SLC24A2: variants seen among roughly 807,000 people sequenced by gnomAD.
SLC24A2 encodes sodium/potassium/calcium exchanger 2.
A neutral mutation model predicts 62.0 loss-of-function variants in SLC24A2; 36 were observed. The ratio of observed to expected loss-of-function variants is 0.58; its 90% CI spans 0.44 to 0.77. The LOEUF is 0.77. Ranked by LOEUF, SLC24A2 falls within the 30% of genes least tolerant of loss-of-function variation. SLC24A2 has a pLI of 0.00. For synonymous variants in SLC24A2, 358 were observed against 294.0 expected (o/e 1.22, Z -2.23); for missense variants, 846 against 817.9 (o/e 1.03, Z -0.42).
chr9:20,240,374 G>A, the SLC24A2 span, among the ~76,000 whole-genome samples: 1 of 152,078 alleles, frequency 6.6e-6, no homozygotes, highest in Non-Finnish European at 1.5e-5. Flanking sequence ...AAGGCTAAGT[G>A]CTGAGTGTTG....
chr9:19,588,579 T>G (rs1836444973), intron 5 of SLC24A2, among the ~76,000 whole-genome samples: 1 of 149,056 alleles, frequency 6.7e-6, no homozygotes, highest in Non-Finnish European at 1.5e-5. Flanking sequence ...CTAAAACAAG[T>G]AAATTAGAAG....
chr9:19,683,850 G>A (rs182528458), intron 2 of SLC24A2, among the ~76,000 whole-genome samples: 34 of 152,158 alleles, frequency 2.2e-4, no homozygotes, highest in African/African-American at 7.2e-4. Flanking sequence ...CATGGTTACC[G>A]GTCCTGGGCC....
At position 19,788,934 on chromosome 9, in the gene SLC24A2, CG is replaced by C. The variant is rs1823262921; in HGVS notation, c.-204del. ...CACGGCGGGGCCCCCGAGCGCGGCCCGCCGCTCCAGTCCGCCGGCCCTCCGC... is the reference window on the plus strand; with the variant it reads ...CACGGCGGGGCCCCCGAGCGCGGCCCCCGCTCCAGTCCGCCGGCCCTCCGC... On this transcript the variant is annotated 5_prime_UTR_variant, in exon 1 of 11. Transcript: ENST00000341998. 1.0e-6 allele frequency: 1 copy of C among 985,182 alleles called. No individual in the cohort carries two copies. The highest frequency in any genetic ancestry group is 1.1e-4 in the East Asian group (1 of 8,798). 61.0% of individuals were successfully genotyped at this position (985,182 alleles called of 1,614,324 possible).
chr9:19,823,257 G>T, the SLC24A2 span, among the ~76,000 whole-genome samples: 3 of 151,868 alleles, frequency 2.0e-5, no homozygotes, highest in Admixed American at 2.0e-4. Flanking sequence ...ATAGTGCAAA[G>T]AATTTATGAA....
the SLC24A2 span, among the ~76,000 whole-genome samples, chr9:20,158,776 G>A: frequency 3.3e-5 from 5 of 151,282 alleles, no homozygotes; most frequent in Admixed American, 6.6e-5. Context: ...CTCTGAGAAA[G>A]GAAAAACAAA....
At chr9:19,917,383 C>A in the SLC24A2 span, among the ~76,000 whole-genome samples, 1 of 147,068 alleles carries the variant, frequency 6.8e-6, no homozygotes, top group African/African-American at 2.5e-5. Flanking sequence ...TTAGTCTGCA[C>A]TTTTGCCTCC....
At chr9:20,208,341 G>A in the SLC24A2 span, among the ~76,000 whole-genome samples, 2 of 152,174 alleles carry the variant, frequency 1.3e-5, no homozygotes, top group African/African-American at 4.8e-5. Context: ...AGAGGGGCTC[G>A]CATAGCACGG....
chr9:19,642,969 C>T lies in SLC24A2; in HGVS notation c.931-20670G>A, dbSNP rs553148417. ...TGCTGGGATTACAGGCGTGAGCCAC[C>T]GTGCCTGGCCAGTATTCTTTTTTTT... On this transcript the variant is annotated intron_variant, in intron 2 of 10. Coordinates refer to ENST00000341998, the MANE Select transcript of SLC24A2 (RefSeq NM_020344.4). Among the ~76,000 whole-genome samples, 9 of 146,120 alleles carry T rather than the reference C, an allele frequency of 6.2e-5. 1 individual carries two copies. Among genetic ancestry groups the T allele is most frequent in the Non-Finnish European group, 1.0e-4 (7 of 67,172 alleles).
chr9:19,604,648 A>C (rs1311622463), intron 4 of SLC24A2, among the ~76,000 whole-genome samples: 3 of 152,160 alleles, frequency 2.0e-5, no homozygotes, highest in Non-Finnish European at 4.4e-5. Context: ...ACAAACAAAC[A>C]AAAAAACTCC....
At chr9:20,052,281 G>C in the SLC24A2 span, among the ~76,000 whole-genome samples, 1 of 152,096 alleles carries the variant, frequency 6.6e-6, no homozygotes, top group Non-Finnish European at 1.5e-5. Context: ...CCTTCTATGA[G>C]TTCATGGCCT....
chr9:20,219,142 G>C, the SLC24A2 span, among the ~76,000 whole-genome samples: 3 of 152,212 alleles, frequency 2.0e-5, no homozygotes, highest in Admixed American at 6.5e-5. Flanking sequence ...GTGGCCCTCA[G>C]TCTTCCCATT....
chr9:19,947,809 A>AGAAAAAAAGAAAGAAAGAAAGG, the SLC24A2 span, among the ~76,000 whole-genome samples: 1 of 83,774 alleles, frequency 1.2e-5, no homozygotes, highest in Non-Finnish European at 2.2e-5. Context: ...AAAAAAAAAA[A>AGAAAAAAAGAAAGAAAGAAAGG]AAGAAAGAAA....
At chr9:19,916,988 T>TG in the SLC24A2 span, among the ~76,000 whole-genome samples, 4 of 147,274 alleles carry the variant, frequency 2.7e-5, no homozygotes, top group South Asian at 4.4e-4. Flanking sequence ...CCTGTTTTTT[T>TG]TTTTTTTTTT....
intron 2 of SLC24A2, among the ~76,000 whole-genome samples, chr9:19,716,101 CTA>C (rs1820852871): frequency 6.6e-6 from 1 of 152,200 alleles, no homozygotes; most frequent in South Asian, 2.1e-4. Flanking sequence ...GATAAATAAT[CTA>C]CTTATCAGGC....
intron 8 of SLC24A2, among the ~76,000 whole-genome samples, chr9:19,532,589 T>C: frequency 1.3e-5 from 2 of 152,200 alleles, no homozygotes; most frequent in East Asian, 3.8e-4. Context: ...GTATTCTCAT[T>C]TTAGTTTTTA....
intron 2 of SLC24A2, among the ~76,000 whole-genome samples, chr9:19,753,332 C>T (rs1215562351): frequency 6.6e-6 from 1 of 152,214 alleles, no homozygotes; most frequent in Non-Finnish European, 1.5e-5. Flanking sequence ...TCTGTGTTGA[C>T]AATCAATAAA....
chr9:20,073,791 A>G, the SLC24A2 span, among the ~76,000 whole-genome samples: 1 of 151,698 alleles, frequency 6.6e-6, no homozygotes, highest in Non-Finnish European at 1.5e-5. Context: ...CTATATGCAT[A>G]TATGTATACA....
the SLC24A2 span, among the ~76,000 whole-genome samples, chr9:19,968,588 A>G: frequency 6.6e-6 from 1 of 152,200 alleles, no homozygotes; most frequent in Non-Finnish European, 1.5e-5. Context: ...TATGAAACAA[A>G]TATTTAGAGC....
the SLC24A2 span, among the ~76,000 whole-genome samples, chr9:20,114,855 C>T: frequency 6.6e-6 from 1 of 152,110 alleles, no homozygotes. Context: ...TTTCCTTCTA[C>T]CCCTGAAAGC....
Sources: gnomAD v4.1 joint callset for allele counts (sites outside exome capture counted in the v4.1 genomes callset) on GRCh38, gnomAD v4.1.1 for gene constraint, MANE v1.5 for transcripts, NCBI Gene and HGNC (gene_info 2026-07-23, HGNC 2026-07-21) for gene names.